ERC1: variants seen among roughly 807,000 people sequenced by gnomAD.
The protein encoded by ERC1 is ELKS/RAB6-interacting/CAST family member 1, also known as RAB6 interacting protein 2.
A neutral mutation model predicts 132.0 loss-of-function variants in ERC1; 56 were observed. That is an observed-to-expected ratio of 0.42 (90% CI 0.34 to 0.53). The LOEUF is 0.53. ERC1 is among the 20% of genes least tolerant of loss of function. The probability of loss-of-function intolerance (pLI) is 0.03; values close to 1 mark genes in which losing one functional copy is unlikely to be tolerated. For missense variants in ERC1, 1,202 were observed against 1,349.9 expected, an observed-to-expected ratio of 0.89 and a Z score of 1.72; for synonymous variants, 478 against 476.1, an observed-to-expected ratio of 1.00 and a Z score of -0.05.
intron 14 of ERC1, among the ~76,000 whole-genome samples, chr12:1,285,478 T>G (rs553190004): frequency 6.6e-6 from 1 of 152,318 alleles, no homozygotes; most frequent in African/African-American, 2.4e-5. Context: ...ACAATATTTA[T>G]TTTAGAATGA....
chr12:1,458,192 G>A (rs2093577531), intron 18 of ERC1, among the ~76,000 whole-genome samples: 1 of 152,228 alleles, frequency 6.6e-6, no homozygotes, highest in Admixed American at 6.5e-5. Flanking sequence ...ACATTTTTGG[G>A]AGGCGAGGGC....
At chr12:1,352,910 T>C (rs2085149387) in intron 15 of ERC1, among the ~76,000 whole-genome samples, 1 of 152,176 alleles carries the variant, frequency 6.6e-6, no homozygotes, top group African/African-American at 2.4e-5. Context: ...TGAGATGGCT[T>C]TTTGCTTTTA....
intron 17 of ERC1, among the ~76,000 whole-genome samples, chr12:1,422,487 G>T (rs1190397165): frequency 6.6e-6 from 1 of 151,328 alleles, no homozygotes; most frequent in African/African-American, 2.4e-5. Flanking sequence ...TTAACATATT[G>T]TCCTCCCAGC....
intron 14 of ERC1, among the ~76,000 whole-genome samples, chr12:1,280,721 G>A (rs920988855): frequency 3.3e-5 from 5 of 152,100 alleles, no homozygotes; most frequent in African/African-American, 4.8e-5. Flanking sequence ...CCAGACATGC[G>A]CAAACATACA....
chr12:1,253,417 C>G (rs1407945974), intron 13 of ERC1, among the ~76,000 whole-genome samples: 2 of 152,098 alleles, frequency 1.3e-5, no homozygotes, highest in African/African-American at 4.8e-5. Context: ...TGGCTCACAC[C>G]TGTAATCCCA....
chr12:1,261,671 G>C (rs369512716), intron 13 of ERC1, among the ~76,000 whole-genome samples: 5 of 146,782 alleles, frequency 3.4e-5, no homozygotes, highest in Admixed American at 6.7e-5. Context: ...GTTTTCTTTT[G>C]TTTTGTTTTG....
chr12:1,319,924 T>A (rs1353204843), intron 15 of ERC1, among the ~76,000 whole-genome samples: 1 of 152,150 alleles, frequency 6.6e-6, no homozygotes, highest in Non-Finnish European at 1.5e-5. Context: ...GGGGGGCGGC[T>A]TCTTATTTTT....
chr12:1,360,434 G>A (rs1179572879), intron 15 of ERC1, among the ~76,000 whole-genome samples: 1 of 152,160 alleles, frequency 6.6e-6, no homozygotes, highest in Non-Finnish European at 1.5e-5. Context: ...AAATATATTT[G>A]TGATCCTTTT....
intron 8 of ERC1, among the ~76,000 whole-genome samples, chr12:1,150,735 G>A (rs1054306581): frequency 3.3e-5 from 5 of 152,162 alleles, no homozygotes. Context: ...ACAAATCCTA[G>A]TTAAGAAACA....
intron 2 of ERC1, among the ~76,000 whole-genome samples, chr12:1,072,007 A>G (rs1168361879): frequency 6.6e-6 from 1 of 151,874 alleles, no homozygotes; most frequent in Non-Finnish European, 1.5e-5. Flanking sequence ...AGGCTGAGGT[A>G]TGAGAATCGC....
chr12:1,151,822 A>C (rs1340828227), intron 8 of ERC1: 1 of 152,260 alleles, frequency 6.6e-6, no homozygotes, highest in Non-Finnish European at 1.5e-5. Context: ...GGCTTTCCGC[A>C]AAAAAGACAA....
chr12:1,038,892 A>G (rs918602170), intron 2 of ERC1, among the ~76,000 whole-genome samples: 2 of 152,178 alleles, frequency 1.3e-5, no homozygotes, highest in African/African-American at 4.8e-5. Flanking sequence ...GTGCACATCC[A>G]TGAGATTTTC....
chr12:1,458,052 A>G (rs549702004), intron 18 of ERC1, among the ~76,000 whole-genome samples: 1 of 152,368 alleles, frequency 6.6e-6, no homozygotes, highest in South Asian at 2.1e-4. Flanking sequence ...TTTGACCAGC[A>G]TGGTTGGCAT....
intron 11 of ERC1, among the ~76,000 whole-genome samples, chr12:1,189,020 T>G (rs955551449): frequency 9.2e-5 from 14 of 152,356 alleles, no homozygotes; most frequent in African/African-American, 3.4e-4. Flanking sequence ...TGTAGGATCC[T>G]GAATAAAAAT....
chr12:1,249,542 G>T (rs1321195595), intron 13 of ERC1, among the ~76,000 whole-genome samples: 1 of 152,140 alleles, frequency 6.6e-6, no homozygotes, highest in Non-Finnish European at 1.5e-5. Flanking sequence ...TATGCTAATT[G>T]TGTGCTGGTT....
intron 14 of ERC1, among the ~76,000 whole-genome samples, chr12:1,288,069 A>G (rs1413462260): frequency 6.6e-6 from 1 of 152,232 alleles, no homozygotes; most frequent in Non-Finnish European, 1.5e-5. Context: ...ATTATGTTGA[A>G]CCTGTAGATC....
At chr12:1,039,963 T>C (rs1969894671) in intron 2 of ERC1, among the ~76,000 whole-genome samples, 1 of 152,232 alleles carries the variant, frequency 6.6e-6, no homozygotes, top group South Asian at 2.1e-4. Flanking sequence ...TATTTTTGTT[T>C]GACAGCAGAT....
chr12:1,199,133 G>A (rs1170896199), intron 12 of ERC1, among the ~76,000 whole-genome samples: 1 of 149,062 alleles, frequency 6.7e-6, no homozygotes, highest in Admixed American at 6.7e-5. Flanking sequence ...TGAGATTTGG[G>A]TGGGGACAAA....
rs536557095 is a variant in ERC1 at position 1,070,606 on chromosome 12, C to T, written c.670-12558C>T. Among the ~76,000 whole-genome samples the T allele has an allele frequency of 5.9e-5, 9 of 152,210 alleles. No individual in the cohort carries two copies. In the South Asian group the frequency reaches 1.9e-3, roughly 32 times the overall value. On this transcript the variant is annotated intron_variant, in intron 2 of 18. Transcript: ENST00000360905. The stretch of plus-strand genomic sequence containing the variant: ...TGGTCTACTCTTCCTTCTTCTAATC[C>T]AAGTCATTCCTACTTGTTAAGAGAT...
Sources: allele counts gnomAD v4.1 joint callset (sites outside exome capture counted in the v4.1 genomes callset), GRCh38; gene constraint gnomAD v4.1.1; transcripts MANE v1.5; gene names NCBI Gene and HGNC (gene_info 2026-07-23, HGNC 2026-07-21).